MYCL: variants seen among roughly 807,000 people sequenced by gnomAD.
The protein encoded by MYCL is MYCL proto-oncogene, bHLH transcription factor.
Under a neutral mutation model 31.0 loss-of-function variants are expected in MYCL, and 11 were observed. The observed-to-expected ratio is 0.35, with a 90% CI of 0.22 to 0.59. The LOEUF (loss-of-function observed/expected upper bound fraction) is 0.59. Ranked by LOEUF, MYCL falls within the 20% of genes least tolerant of loss-of-function variation. MYCL has a pLI of 0.79. For missense variants in MYCL, 427 were observed against 486.1 expected (o/e 0.88, Z 1.14); for synonymous variants, 208 against 202.4 (o/e 1.03, Z -0.23).
rs994144600 is a variant in MYCL at position 39,899,029 on chromosome 1, T to C, written c.497-1059A>G. ...GCTTGAGCCCCTTTGTCAGGAAGGC[T>C]TCCATTGTGTGGACAATCGCATTAT... On this transcript the variant is annotated intron_variant, in intron 1 of 1. Coordinates refer to ENST00000372816, the MANE Select transcript of MYCL (RefSeq NM_001033081.3). The C allele has an allele frequency of 7.6e-5, 75 of 985,460 alleles. No individual in the cohort carries two copies. In the African/African-American group the frequency reaches 1.2e-3, roughly 16 times the overall value. 61.0% of individuals were successfully genotyped at this position (985,460 alleles called of 1,614,324 possible).
In MYCL at chr1:39,901,130, C is replaced by T. The variant is rs2124720122; in HGVS notation, c.305G>A (p.Arg102Gln). The T allele has an allele frequency of 6.2e-7, 1 of 1,607,938 alleles. No individual in the cohort carries two copies. The highest frequency in any genetic ancestry group is 2.2e-5 in the East Asian group (1 of 44,598). The change falls in exon 1 of 2, where the codon CGG (arginine) becomes CAG (glutamine). Residue 102 changes from arginine to glutamine, a missense_variant. Physicochemically the swap from Arg to Gln is conservative, Grantham distance 43 (BLOSUM62 1). Coordinates refer to ENST00000372816, the MANE Select transcript of MYCL (RefSeq NM_001033081.3). This position sits in a 1 kb window ranked among gnomAD's most constrained non-coding sequence, Gnocchi z 6.9. ...GCTCACAGCTCTCTCCAGCCGTTCC[C>T]GGGCCGAGAAGCCGCTCCACATGCA... ...RDCMWSGFSA[R>Q]ERLERAVSDR...
At position 39,901,845 on chromosome 1, in the gene MYCL, C is replaced by G; in HGVS notation, c.-411G>C. 1.6e-6 allele frequency: 2 copies of G among 1,259,630 alleles called. No individual in the cohort carries two copies. Among genetic ancestry groups the G allele is most frequent in the Non-Finnish European group, 2.0e-6 (2 of 991,738 alleles). 78.0% of individuals were successfully genotyped at this position (1,259,630 alleles called of 1,614,324 possible). On this transcript the variant is annotated 5_prime_UTR_variant, in exon 1 of 2. Transcript: ENST00000372816. The surrounding 1 kb of genome is among the most constrained non-coding windows in gnomAD (Gnocchi z 6.9). ...GCCCGCCACCTGGAGCGGACCGGCT[C>G]CCCGCCGGCTCGGGGCAGCCCGGCA... is the stretch of plus-strand genomic sequence containing the variant.
chr1:39,901,420 C>A lies in MYCL; in HGVS notation c.15G>T (p.Ser5=). The A allele has an allele frequency of 6.2e-7, 1 of 1,612,538 alleles. No individual in the cohort carries two copies. Among genetic ancestry groups the A allele is most frequent in the Non-Finnish European group, 8.5e-7 (1 of 1,179,774 alleles). MDYD[S]YQHYFYDYDC... is the part of the protein sequence containing the mutation. The stretch of plus-strand genomic sequence containing the variant: ...CATAGTCGTAGAAATAGTGCTGGTA[C>A]GAGTCGTAGTCCATGTCCGCTCCCT... The change falls in exon 1 of 2, where the codon TCG becomes TCT. Residue 5 remains serine, a synonymous_variant. Coordinates refer to ENST00000372816, the MANE Select transcript of MYCL (RefSeq NM_001033081.3). The surrounding 1 kb of genome is among the most constrained non-coding windows in gnomAD (Gnocchi z 6.9).
rs1644544035 is a variant in MYCL, at chr1:39,901,824, GC to G, written c.-391del. Reference sequence around the variant, plus strand: ...CAGCCTCACCTCGCTCCAGCCGCCCGCCACCTGGAGCGGACCGGCTCCCCGC... The same window carrying G: ...CAGCCTCACCTCGCTCCAGCCGCCCGCACCTGGAGCGGACCGGCTCCCCGC... On this transcript the variant is annotated 5_prime_UTR_variant, in exon 1 of 2. The change creates a premature stop within an existing upstream ORF in the 5' untranslated region. Coordinates refer to ENST00000372816, the MANE Select transcript of MYCL (RefSeq NM_001033081.3). This position sits in a 1 kb window ranked among gnomAD's most constrained non-coding sequence, Gnocchi z 6.9. 2.4e-6 allele frequency: 3 copies of G among 1,272,108 alleles called. No homozygotes were observed. The highest frequency in any genetic ancestry group is 3.0e-6 in the Non-Finnish European group (3 of 998,128). The allele number at this position is 1,272,108 out of a possible 1,614,324, so 78.8% of individuals were successfully genotyped here.
chr1:39,900,208 T>C lies in MYCL; in HGVS notation c.496+731A>G, dbSNP rs565755440. 3 of 985,396 alleles carry C rather than the reference T, an allele frequency of 3.0e-6. No individual in the cohort carries two copies. The South Asian group carries it at 1.4e-4, about 46-fold the overall frequency. 61.0% of individuals were successfully genotyped at this position (985,396 alleles called of 1,614,324 possible). On this transcript the variant is annotated intron_variant, in intron 1 of 1. Coordinates refer to ENST00000372816, the MANE Select transcript of MYCL (RefSeq NM_001033081.3). ...TCTCAGGACAAACAGCAAGGCAAGG[T>C]GTAGTGCTTCTAAGATAAGCTACCA... is the stretch of plus-strand genomic sequence containing the variant.
chr1:39,900,335 T>C, intron 1 of MYCL: 2 of 985,654 alleles, frequency 2.0e-6, no homozygotes, highest in Non-Finnish European at 2.4e-6. Flanking sequence ...TTGTAGTGAT[T>C]GTCTATCTCT....
At chr1:39,898,170 T>G (rs1644501867) in intron 1 of MYCL, 200 bp from the exon 2 acceptor site, 1 of 706,698 alleles carries the variant, frequency 1.4e-6, no homozygotes, top group Non-Finnish European at 2.2e-6. Context: ...GAGGGGACAT[T>G]AGCAAGAAGG....
Position 39,897,433 on chromosome 1 carries a change from C to CT in MYCL, c.1033dup (p.Arg345LysfsTer27). 6.2e-7 allele frequency: 1 copy of CT among 1,613,548 alleles called. No individual in the cohort carries two copies. Among genetic ancestry groups the CT allele is most frequent in the East Asian group, 2.2e-5 (1 of 44,860 alleles). ...CTGCTGCTGCCGGCATCGGAGCTGTCTTTTCTCTGTAGCCATCCTCTTCTC... is the reference window on the plus strand; with the variant it reads ...CTGCTGCTGCCGGCATCGGAGCTGTCTTTTTCTCTGTAGCCATCCTCTTCTC... On this transcript the variant is annotated frameshift_variant, in exon 2 of 2. Coordinates refer to ENST00000372816, the MANE Select transcript of MYCL (RefSeq NM_001033081.3). LOFTEE classifies it high-confidence loss of function. The surrounding 1 kb of genome is among the most constrained non-coding windows in gnomAD (Gnocchi z 4.3).
rs1199017347 is a variant in MYCL at position 39,896,361 on chromosome 1, C to T, written c.*1011G>A. 5.0e-6 allele frequency: 1 copy of T among 199,684 alleles called. No homozygotes were observed. Among genetic ancestry groups the T allele is most frequent in the African/African-American group, 2.3e-5 (1 of 43,458 alleles). 12.4% of individuals were successfully genotyped at this position (199,684 alleles called of 1,614,324 possible). A position where few individuals can be genotyped will look rare whatever the true frequency, so the allele number is the denominator to read the frequency against. On this transcript the variant is annotated 3_prime_UTR_variant, in exon 2 of 2. Transcript: ENST00000372816. ...ACAGATTTGCATGGTTCCAGAAGAA[C>T]TTCAAACTTGCCGCTCAAGGATTGA...
intron 1 of MYCL, 156 bp from the exon 2 acceptor site, chr1:39,898,126 A>C: frequency 9.1e-7 from 1 of 1,099,374 alleles, no homozygotes; most frequent in Non-Finnish European, 1.3e-6. Flanking sequence ...AAGCTGATTC[A>C]TTTGTAATGT....
chr1:39,897,244 T>G lies in MYCL; in HGVS notation c.*128A>C, dbSNP rs1644490732. ...TTTATTGTGTGTGCACCGGCTGCAA[T>G]GCATTCTGGGATCTACTGTCCAGAC... On this transcript the variant is annotated 3_prime_UTR_variant, in exon 2 of 2. Coordinates refer to ENST00000372816, the MANE Select transcript of MYCL (RefSeq NM_001033081.3). This position sits in a 1 kb window ranked among gnomAD's most constrained non-coding sequence, Gnocchi z 4.3. 2.4e-6 allele frequency: 2 copies of G among 816,628 alleles called. No homozygotes were observed. The highest frequency in any genetic ancestry group is 3.9e-6 in the Non-Finnish European group (2 of 510,104). 50.6% of individuals were successfully genotyped at this position (816,628 alleles called of 1,614,324 possible). A position where few individuals can be genotyped will look rare whatever the true frequency, so the allele number is the denominator to read the frequency against.
intron 1 of MYCL, 41 bp from the exon 2 acceptor site, chr1:39,898,011 G>A: frequency 6.3e-7 from 1 of 1,588,310 alleles, no homozygotes; most frequent in Non-Finnish European, 8.6e-7. Context: ...CACATCCCAT[G>A]AGAAACACAA....
intron 1 of MYCL, chr1:39,899,235 G>C (rs1470129995): frequency 3.3e-6 from 1 of 305,712 alleles, no homozygotes; most frequent in Admixed American, 6.5e-5. Context: ...TTTGTTCCAG[G>C]CCATGTGGCC....
intron 1 of MYCL, 81 bp from the exon 2 acceptor site, chr1:39,898,051 G>T: frequency 6.6e-7 from 1 of 1,519,244 alleles, no homozygotes; most frequent in South Asian, 1.3e-5. Flanking sequence ...AGCTGTCTAC[G>T]CTGGTGCTTG....
Position 39,896,008 on chromosome 1 carries a change from A to G in MYCL, c.*1364T>C, listed in dbSNP as rs778426248. ...GGGCTGCTGGTCCTTCTTCCAGGAC[A>G]GGCTTAGAGGTGCCTGAGGTTACCC... is the stretch of plus-strand genomic sequence containing the variant. On this transcript the variant is annotated 3_prime_UTR_variant, in exon 2 of 2. Coordinates refer to ENST00000372816, the MANE Select transcript of MYCL (RefSeq NM_001033081.3). The G allele has an allele frequency of 1.4e-5, 3 of 218,384 alleles. No homozygotes were observed. Among genetic ancestry groups the G allele is most frequent in the Non-Finnish European group, 2.8e-5 (3 of 108,674 alleles). The allele number at this position is 218,384 out of a possible 1,614,324, so 13.5% of individuals were successfully genotyped here.
chr1:39,900,614 C>G, intron 1 of MYCL: 1 of 1,258,224 alleles, frequency 7.9e-7, no homozygotes, highest in Non-Finnish European at 1.0e-6. Context: ...TTTGGAGTGT[C>G]TCTTAAGGTA....
chr1:39,896,325 G>C lies in MYCL; in HGVS notation c.*1047C>G, dbSNP rs190862701. ...CAGAGCCAGCAAGCTCCTTGGAATT[G>C]CATGAGGAGGACAGATTTGCATGGT... On this transcript the variant is annotated 3_prime_UTR_variant, in exon 2 of 2. Transcript: ENST00000372816. 1.0e-5 allele frequency: 2 copies of C among 196,712 alleles called. No individual in the cohort carries two copies. The highest frequency in any genetic ancestry group is 2.1e-5 in the Non-Finnish European group (2 of 94,804). The allele number at this position is 196,712 out of a possible 1,614,324, so 12.2% of individuals were successfully genotyped here. A position where few individuals can be genotyped will look rare whatever the true frequency, so the allele number is the denominator to read the frequency against.
chr1:39,898,838 AC>A, intron 1 of MYCL: 1 of 985,432 alleles, frequency 1.0e-6, no homozygotes, highest in East Asian at 1.1e-4. Flanking sequence ...CTTCTCATTC[AC>A]TGGCTTGAAG....
In MYCL at chr1:39,901,222, G is replaced by A; in HGVS notation, c.213C>T (p.Asp71=). The part of the protein sequence containing the change: ...PEPWPGGCTG[D]EAESRGHSKG... Reference sequence around the variant, plus strand: ...TCGAGTGGCCCCGGGATTCCGCTTCGTCTCCGGTGCACCCTCCGGGCCACG... The same window carrying A: ...TCGAGTGGCCCCGGGATTCCGCTTCATCTCCGGTGCACCCTCCGGGCCACG... Residue 71 remains aspartate, a synonymous_variant, in exon 1 of 2, where the codon GAC becomes GAT. Transcript: ENST00000372816. The surrounding 1 kb of genome is among the most constrained non-coding windows in gnomAD (Gnocchi z 6.9). 6.2e-7 allele frequency: 1 copy of A among 1,612,020 alleles called. No individual in the cohort carries two copies. The highest frequency in any genetic ancestry group is 8.5e-7 in the Non-Finnish European group (1 of 1,179,286).
Sources: allele counts gnomAD v4.1 joint callset, GRCh38; gene constraint gnomAD v4.1.1; non-coding constraint Gnocchi (gnomAD v3.1); transcripts MANE v1.5; gene names NCBI Gene and HGNC (gene_info 2026-07-23, HGNC 2026-07-21).